The following AFF3 variants were observed in gnomAD, a reference collection of about 807,000 sequenced individuals.
AFF3 encodes ALF transcription elongation factor 3.
In AFF3, 32 loss-of-function variants were observed where a neutral mutation model predicts 129.7. The observed-to-expected ratio is 0.25, with a 90% CI of 0.19 to 0.33. The LOEUF (loss-of-function observed/expected upper bound fraction) is 0.33, where lower values mean the gene tolerates loss of function less well. Among genes scored for constraint, AFF3 ranks in the 10% least tolerant of loss-of-function variants. AFF3 has a pLI of 1.00. For synonymous variants in AFF3, 644 were observed against 635.4 expected (o/e 1.01, Z -0.20); for missense variants, 1,373 against 1,592.0 (o/e 0.86, Z 2.34).
chr2:100,110,066 G>T (rs924593946), intron 2 of AFF3: 1 of 152,158 alleles, frequency 6.6e-6, no homozygotes, highest in Non-Finnish European at 1.5e-5. Context: ...GGAGTGAGGC[G>T]CTCCTTGTCT....
chr2:99,627,215 T>G (rs1682670120), intron 13 of AFF3, among the ~76,000 whole-genome samples: 1 of 152,154 alleles, frequency 6.6e-6, no homozygotes, highest in Non-Finnish European at 1.5e-5. Flanking sequence ...CGTTCCTTTT[T>G]CTCCACAACC....
chr2:99,594,116 C>A lies in AFF3; in HGVS notation c.1545G>T (p.Gln515His). The A allele has an allele frequency of 6.2e-7, 1 of 1,614,044 alleles. No individual in the cohort carries two copies. The highest frequency in any genetic ancestry group is 1.7e-5 in the Admixed American group (1 of 60,028). The change falls in exon 15 of 25, where the codon CAG (glutamine) becomes CAT (histidine). Residue 515 changes from glutamine to histidine, a missense_variant. Transcript: ENST00000672756. Reference sequence around the variant, plus strand: ...TGATCTCCTTCTCTCTCAGGCTGGGCTGGCAAACGTCGGGGACTTTCCCAC... The same window carrying A: ...TGATCTCCTTCTCTCTCAGGCTGGGATGGCAAACGTCGGGGACTTTCCCAC... ...QDCGKVPDVCQPSLREKEIKS... is the reference protein window; with the variant it reads ...QDCGKVPDVCHPSLREKEIKS...
At chr2:99,756,486 TC>T (rs1199129050) in intron 8 of AFF3, among the ~76,000 whole-genome samples, 1 of 152,234 alleles carries the variant, frequency 6.6e-6, no homozygotes, top group African/African-American at 2.4e-5. Context: ...CCCGTTGCCT[TC>T]CTTCTGGTCT....
intron 8 of AFF3, among the ~76,000 whole-genome samples, chr2:99,831,993 G>C (rs1439858664): frequency 1.3e-5 from 2 of 152,342 alleles, no homozygotes; most frequent in Non-Finnish European, 1.5e-5. Flanking sequence ...TGTGGCAGCT[G>C]TTCAAAGGTA....
chr2:100,090,462 C>A (rs11901781), intron 4 of AFF3, among the ~76,000 whole-genome samples: 5,668 of 152,108 alleles, frequency 0.037, 369 homozygotes, highest in African/African-American at 0.13. Flanking sequence ...TAAATACTAA[C>A]AAAAACAGCA....
chr2:99,746,961 A>G (rs1272933936), intron 9 of AFF3, among the ~76,000 whole-genome samples: 1 of 152,014 alleles, frequency 6.6e-6, no homozygotes, highest in Non-Finnish European at 1.5e-5. Context: ...TTAAAAAAAA[A>G]AAAAGAAAGG....
At position 99,546,947 on chromosome 2, in the gene AFF3, C is replaced by T; in HGVS notation, c.*4527G>A. ...CTGGGACACTGGGAGCGTGCATGTGCATACGTGCATGCATGTGCGCGCGTG... is the reference window on the plus strand; with the variant it reads ...CTGGGACACTGGGAGCGTGCATGTGTATACGTGCATGCATGTGCGCGCGTG... On this transcript the variant is annotated 3_prime_UTR_variant, in exon 25 of 25. Transcript: ENST00000672756. The T allele has an allele frequency of 4.5e-6, 1 of 221,740 alleles. No individual in the cohort carries two copies. The highest frequency in any genetic ancestry group is 9.0e-6 in the Non-Finnish European group (1 of 110,830). The allele number at this position is 221,740 out of a possible 1,614,324, so 13.7% of individuals were successfully genotyped here. A position where few individuals can be genotyped will look rare whatever the true frequency, so the allele number is the denominator to read the frequency against.
intron 1 of AFF3, among the ~76,000 whole-genome samples, chr2:100,136,158 C>T (rs564668477): frequency 3.3e-5 from 5 of 152,214 alleles, no homozygotes; most frequent in South Asian, 2.1e-4. Context: ...GAGTGTTGTG[C>T]GAGAGCTGGG....
At chr2:100,044,127 T>C (rs1216576052) in intron 4 of AFF3, among the ~76,000 whole-genome samples, 1 of 152,130 alleles carries the variant, frequency 6.6e-6, no homozygotes, top group Non-Finnish European at 1.5e-5. Context: ...ATGAGGGTGG[T>C]GTGCGGCTGT....
At chr2:99,926,936 G>A (rs1247462337) in intron 7 of AFF3, among the ~76,000 whole-genome samples, 1 of 152,044 alleles carries the variant, frequency 6.6e-6, no homozygotes, top group East Asian at 1.9e-4. Context: ...CTGAAGTGCG[G>A]CATCACAGCC....
At chr2:100,133,184 T>TGGAG (rs1692495319) in intron 1 of AFF3, among the ~76,000 whole-genome samples, 1 of 151,808 alleles carries the variant, frequency 6.6e-6, no homozygotes, top group African/African-American at 2.4e-5. Flanking sequence ...GAGGATCACT[T>TGGAG]GAGCCCAGGA....
chr2:99,740,941 C>T (rs1293149823), intron 10 of AFF3, among the ~76,000 whole-genome samples: 3 of 152,144 alleles, frequency 2.0e-5, no homozygotes, highest in African/African-American at 4.8e-5. Flanking sequence ...TTAGGTCTAA[C>T]GTTTAAGTCT....
At chr2:99,634,964 T>TACACACACACAC (rs201362666) in intron 13 of AFF3, among the ~76,000 whole-genome samples, 4,862 of 137,652 alleles carry the variant, frequency 0.035, 161 homozygotes, top group African/African-American at 0.072. Flanking sequence ...GATTCTGTCA[T>TACACACACACAC]ACACACACAC....
chr2:99,656,031 G>C (rs59404019), intron 12 of AFF3, among the ~76,000 whole-genome samples: 2 of 152,168 alleles, frequency 1.3e-5, no homozygotes, highest in East Asian at 1.9e-4. Flanking sequence ...CACTTGTTAA[G>C]TGGATTAAAC....
At chr2:100,055,595 T>C (rs1686703632) in intron 4 of AFF3, among the ~76,000 whole-genome samples, 2 of 152,184 alleles carry the variant, frequency 1.3e-5, no homozygotes, top group Non-Finnish European at 2.9e-5. Context: ...GTGATTCTAA[T>C]GTACAGCAGG....
chr2:100,051,036 C>T (rs1686285985), intron 4 of AFF3, among the ~76,000 whole-genome samples: 1 of 152,194 alleles, frequency 6.6e-6, no homozygotes, highest in Non-Finnish European at 1.5e-5. Flanking sequence ...ACAAAGCTTT[C>T]CAGCAACCTA....
At chr2:99,755,720 G>A (rs765501147) in intron 8 of AFF3, among the ~76,000 whole-genome samples, 23 of 152,198 alleles carry the variant, frequency 1.5e-4, no homozygotes, top group Admixed American at 3.9e-4. Context: ...TTTGGACTTC[G>A]TCTTGAAGAT....
At chr2:99,940,481 A>C (rs559263865) in intron 7 of AFF3, among the ~76,000 whole-genome samples, 21 of 152,302 alleles carry the variant, frequency 1.4e-4, no homozygotes, top group Admixed American at 6.5e-5. Flanking sequence ...TGCAGTAAAG[A>C]AGCAGCCAAA....
intron 19 of AFF3, among the ~76,000 whole-genome samples, chr2:99,566,970 CTTT>C (rs755875614): frequency 5.0e-5 from 7 of 140,818 alleles, no homozygotes; most frequent in Admixed American, 7.1e-5. Flanking sequence ...TTTCTTTTTT[CTTT>C]TTTTTTTTTT....
Sources: allele counts gnomAD v4.1 joint callset (sites outside exome capture counted in the v4.1 genomes callset), GRCh38; gene constraint gnomAD v4.1.1; transcripts MANE v1.5; gene names NCBI Gene and HGNC (gene_info 2026-07-23, HGNC 2026-07-21).